XXYLT1: variants seen among roughly 807,000 people sequenced by gnomAD.
The protein encoded by XXYLT1 is xyloside xylosyltransferase 1.
XXYLT1 carries 20 observed loss-of-function variants against 28.9 expected under a neutral mutation model. That is an observed-to-expected ratio of 0.69 (90% CI 0.49 to 1.00). The LOEUF is 1.00. Among genes scored for constraint, XXYLT1 ranks in the 50% least tolerant of loss-of-function variants. The pLI, the probability that XXYLT1 is intolerant of heterozygous loss-of-function variation, is 0.00. For synonymous variants in XXYLT1, 257 were observed against 253.8 expected, an observed-to-expected ratio of 1.01 and a Z score of -0.12; for missense variants, 542 against 560.1, an observed-to-expected ratio of 0.97 and a Z score of 0.33.
At chr3:195,250,086 T>C (rs868749247) in intron 1 of XXYLT1, among the ~76,000 whole-genome samples, 15 of 152,212 alleles carry the variant, frequency 9.9e-5, no homozygotes, top group Admixed American at 4.6e-4. Flanking sequence ...CTCCTCCTGC[T>C]AGCTCTGGCA....
chr3:195,258,644 G>A (rs1475769011), intron 1 of XXYLT1, among the ~76,000 whole-genome samples: 1 of 152,212 alleles, frequency 6.6e-6, no homozygotes, highest in Non-Finnish European at 1.5e-5. Flanking sequence ...CCTCTGTCCA[G>A]GGCCAGGTAG....
Position 195,144,612 on chromosome 3 carries a change from G to A in XXYLT1, c.785+11837C>T, listed in dbSNP as rs181091784. Among the ~76,000 whole-genome samples the A allele has an allele frequency of 2.6e-4, 39 of 152,170 alleles. No homozygotes were observed. In the East Asian group the frequency reaches 5.0e-3, roughly 20 times the overall value. On this transcript the variant is annotated intron_variant, in intron 3 of 3. Coordinates refer to ENST00000310380, the MANE Select transcript of XXYLT1 (RefSeq NM_152531.5). ...AGGCTGGTCTCGAACTCCTGACCCC[G>A]TGATCCGCCCGCCTCAGCCTCCCAA...
intron 1 of XXYLT1, among the ~76,000 whole-genome samples, chr3:195,239,104 C>T (rs1159736591): frequency 6.6e-6 from 1 of 152,132 alleles, no homozygotes; most frequent in Non-Finnish European, 1.5e-5. Context: ...CAAGCCTGCA[C>T]CCATGAATAT....
At chr3:195,128,540 C>G (rs1338377993) in intron 3 of XXYLT1, among the ~76,000 whole-genome samples, 1 of 152,172 alleles carries the variant, frequency 6.6e-6, no homozygotes, top group Non-Finnish European at 1.5e-5. Flanking sequence ...ACTCCTTGGA[C>G]CAGCACTCTT....
chr3:195,209,358 T>C lies in XXYLT1; in HGVS notation c.652+17351A>G, dbSNP rs1357025703. 1 of 152,316 alleles carries C rather than the reference T, an allele frequency of 6.6e-6. No homozygotes were observed. The highest frequency in any genetic ancestry group is 2.4e-5 in the African/African-American group (1 of 41,476). The allele number at this position is 152,316 out of a possible 1,614,324, so 9.4% of individuals were successfully genotyped here. ...TCACGTGGTGGAGTCACTCCGCTGC[T>C]GCGTGCTCCTGTCCACACAGGGTGG... On this transcript the variant is annotated intron_variant, in intron 2 of 3. Coordinates refer to ENST00000310380, the MANE Select transcript of XXYLT1 (RefSeq NM_152531.5). The surrounding 1 kb of genome is among the most constrained non-coding windows in gnomAD (Gnocchi z 5.0).
chr3:195,224,071 G>A (rs1034794050), intron 2 of XXYLT1, among the ~76,000 whole-genome samples: 1 of 152,150 alleles, frequency 6.6e-6, no homozygotes, highest in East Asian at 1.9e-4. Flanking sequence ...CAGGAGACTC[G>A]CTTGAACCCA....
intron 2 of XXYLT1, among the ~76,000 whole-genome samples, chr3:195,219,833 C>T (rs576187313): frequency 1.1e-4 from 16 of 152,262 alleles, no homozygotes; most frequent in Non-Finnish European, 2.9e-5. Context: ...CTGGATGGGG[C>T]CACCCCAATT....
intron 1 of XXYLT1, chr3:195,247,642 C>A (rs533786365): frequency 1.8e-6 from 1 of 556,262 alleles, no homozygotes; most frequent in Admixed American, 3.0e-5. Context: ...GATCCCCAGA[C>A]AGCCCTGCCA....
chr3:195,268,065 T>C (rs1725897020), intron 1 of XXYLT1, among the ~76,000 whole-genome samples: 1 of 152,060 alleles, frequency 6.6e-6, no homozygotes, highest in Non-Finnish European at 1.5e-5. Context: ...GGCAAGAGAA[T>C]TGCTTGAGCT....
intron 2 of XXYLT1, among the ~76,000 whole-genome samples, chr3:195,214,402 C>A (rs913810921): frequency 7.9e-5 from 12 of 152,108 alleles, no homozygotes; most frequent in Non-Finnish European, 1.8e-4. Flanking sequence ...ACCTCACTCC[C>A]AGGCCTGCTG....
At position 195,256,077 on chromosome 3, in the gene XXYLT1, T is replaced by C. The variant is rs1725467007; in HGVS notation, c.504+14478A>G. On this transcript the variant is annotated intron_variant, in intron 1 of 3. Transcript: ENST00000310380. This position sits in a 1 kb window ranked among gnomAD's most constrained non-coding sequence, Gnocchi z 4.2. ...AGGGGCACCGTGGGAACCCTTCTGG[T>C]GGGGCCCCAGCTCTCACAGAGCATT... is the stretch of plus-strand genomic sequence containing the variant. 1.3e-5 allele frequency among the ~76,000 whole-genome samples: 2 copies of C among 152,092 alleles called. No individual in the cohort carries two copies. The highest frequency in any genetic ancestry group is 4.8e-5 in the African/African-American group (2 of 41,400).
chr3:195,137,072 C>A (rs941579204), intron 3 of XXYLT1, among the ~76,000 whole-genome samples: 2 of 152,124 alleles, frequency 1.3e-5, no homozygotes, highest in African/African-American at 4.8e-5. Context: ...CCAATGGGAT[C>A]CTTCAATCAT....
chr3:195,248,069 C>T, intron 1 of XXYLT1: 1 of 521,590 alleles, frequency 1.9e-6, no homozygotes, highest in East Asian at 3.3e-5. Flanking sequence ...TGCCTGCTCT[C>T]CTGGGTTTCA....
rs138764769 is a variant in XXYLT1, at chr3:195,228,103, C to T, written c.505-1247G>A. ...TCAGTGCTCCTAAGAGTTCTGCAAGCGCCACCTCCCGCCACCATCTTCTCT... is the reference window on the plus strand; with the variant it reads ...TCAGTGCTCCTAAGAGTTCTGCAAGTGCCACCTCCCGCCACCATCTTCTCT... On this transcript the variant is annotated intron_variant, in intron 1 of 3. Coordinates refer to ENST00000310380, the MANE Select transcript of XXYLT1 (RefSeq NM_152531.5). 6.9e-3 allele frequency among the ~76,000 whole-genome samples: 1,050 copies of T among 152,296 alleles called. 9 individuals are homozygous for T. The highest frequency in any genetic ancestry group is 0.024 in the Middle Eastern group (7 of 294).
In XXYLT1 at chr3:195,160,007, C is replaced by G. The variant is rs564812532; in HGVS notation, c.653-3426G>C. Among the ~76,000 whole-genome samples, 3 of 152,028 alleles carry G rather than the reference C, an allele frequency of 2.0e-5. No individual in the cohort carries two copies. In the South Asian group the frequency reaches 6.2e-4, roughly 32 times the overall value. On this transcript the variant is annotated intron_variant, in intron 2 of 3. Coordinates refer to ENST00000310380, the MANE Select transcript of XXYLT1 (RefSeq NM_152531.5). Reference sequence around the variant, plus strand: ...CATCAGCATCCAATTAAACCAGCCACAAGCATGTCATCTGACCATGGGTGG... The same window carrying G: ...CATCAGCATCCAATTAAACCAGCCAGAAGCATGTCATCTGACCATGGGTGG...
At chr3:195,189,417 A>T (rs1443762093) in intron 2 of XXYLT1, among the ~76,000 whole-genome samples, 2 of 152,224 alleles carry the variant, frequency 1.3e-5, no homozygotes, top group Non-Finnish European at 2.9e-5. Context: ...AAAACATCCA[A>T]TTTTCAACAA....
At chr3:195,088,099 G>A (rs1234761486) in intron 3 of XXYLT1, among the ~76,000 whole-genome samples, 2 of 151,914 alleles carry the variant, frequency 1.3e-5, no homozygotes, top group Non-Finnish European at 2.9e-5. Flanking sequence ...GTGGCAGCGA[G>A]GCTGGGGGAG....
intron 3 of XXYLT1, among the ~76,000 whole-genome samples, chr3:195,113,303 T>A (rs1184919521): frequency 6.6e-6 from 1 of 152,208 alleles, no homozygotes; most frequent in African/African-American, 2.4e-5. Flanking sequence ...TTTCTGACAC[T>A]ATCTTCGACA....
At chr3:195,073,061 C>T (rs910478893) in intron 3 of XXYLT1, among the ~76,000 whole-genome samples, 1 of 152,216 alleles carries the variant, frequency 6.6e-6, no homozygotes, top group African/African-American at 2.4e-5. Context: ...AGCCCAGGGA[C>T]ATTACTGCCT....
Sources: allele counts gnomAD v4.1 joint callset (sites outside exome capture counted in the v4.1 genomes callset), GRCh38; gene constraint gnomAD v4.1.1; non-coding constraint Gnocchi (gnomAD v3.1); transcripts MANE v1.5; gene names NCBI Gene and HGNC (gene_info 2026-07-23, HGNC 2026-07-21).